OTOGL: variants seen among roughly 807,000 people sequenced by gnomAD.
OTOGL encodes otogelin-like protein.
A neutral mutation model predicts 318.5 loss-of-function variants in OTOGL; 285 were observed. The ratio of observed to expected loss-of-function variants is 0.89; its 90% CI spans 0.81 to 0.99. The LOEUF (loss-of-function observed/expected upper bound fraction) is 0.99. Ranked by LOEUF, OTOGL falls within the 50% of genes least tolerant of loss-of-function variation. The probability of loss-of-function intolerance (pLI) is 0.00; values close to 1 mark genes in which losing one functional copy is unlikely to be tolerated. For synonymous variants in OTOGL, 987 were observed against 936.5 expected, an observed-to-expected ratio of 1.05 and a Z score of -0.99; for missense variants, 2,899 against 2,845.6, an observed-to-expected ratio of 1.02 and a Z score of -0.43.
intron 29 of OTOGL, among the ~76,000 whole-genome samples, chr12:80,307,223 G>A (rs1272111175): frequency 2.1e-4 from 31 of 148,886 alleles, no homozygotes; most frequent in African/African-American, 7.4e-4. Flanking sequence ...ACACAGACAC[G>A]GCAACCATCC....
In OTOGL at chr12:80,222,199, T is replaced by C. The variant is rs1394079558; in HGVS notation, c.443T>C (p.Ile148Thr). 21 of 1,598,242 alleles carry C rather than the reference T, an allele frequency of 1.3e-5. No homozygotes were observed. The highest frequency in any genetic ancestry group is 1.7e-5 in the Non-Finnish European group (20 of 1,178,862). Residue 148 changes from isoleucine to threonine, a missense_variant, in exon 7 of 59, where the codon ATT becomes ACT. This residue lies in a region of OTOGL where 2,607 missense variants were observed against 2,524.9 expected (regional missense o/e 1.03). Transcript: ENST00000547103. ...YYYFPGNCSY[I>T]FAKDCGDLEP... ...TACTTCCCAGGAAACTGTTCTTACA[T>C]TTTTGCAAAGGACTGTGGTGATTTG...
chr12:80,303,008 T>G (rs1184100730), intron 28 of OTOGL, among the ~76,000 whole-genome samples: 1 of 152,222 alleles, frequency 6.6e-6, no homozygotes, highest in African/African-American at 2.4e-5. Context: ...CCAAGATTAC[T>G]TAAGCCAGCT....
At chr12:80,275,035 C>T (rs1202469035) in intron 24 of OTOGL, among the ~76,000 whole-genome samples, 3 of 151,926 alleles carry the variant, frequency 2.0e-5, no homozygotes, top group African/African-American at 7.2e-5. Flanking sequence ...TGTTTTCATG[C>T]TTGCTAACAC....
chr12:80,367,182 C>G (rs1890595421), intron 53 of OTOGL, among the ~76,000 whole-genome samples: 1 of 150,362 alleles, frequency 6.7e-6, no homozygotes, highest in African/African-American at 2.4e-5. Flanking sequence ...GCTATGTTTC[C>G]CAGGCTGGTC....
At chr12:80,141,377 A>T (rs116519170) in intron 1 of OTOGL, among the ~76,000 whole-genome samples, 1 of 152,270 alleles carries the variant, frequency 6.6e-6, no homozygotes, top group African/African-American at 2.4e-5. Flanking sequence ...AACCATCAAG[A>T]TATATCACCA....
chr12:80,349,304 C>T (rs1394737724), intron 44 of OTOGL, among the ~76,000 whole-genome samples: 1 of 152,050 alleles, frequency 6.6e-6, no homozygotes, highest in Non-Finnish European at 1.5e-5. Flanking sequence ...TATATTAGCT[C>T]ATTTAATTTT....
chr12:80,372,957 G>T lies in OTOGL; in HGVS notation c.6781+893G>T, dbSNP rs573783434. Among the ~76,000 whole-genome samples, 8 of 152,150 alleles carry T rather than the reference G, an allele frequency of 5.3e-5. No individual in the cohort carries two copies. In the East Asian group the frequency reaches 1.2e-3, roughly 22 times the overall value. The stretch of plus-strand genomic sequence containing the variant: ...CCACTTCGGCCTCCCAAAGTGCTGG[G>T]ATTACTATTTCATACTAATTTTGAA... On this transcript the variant is annotated intron_variant, in intron 57 of 58. Coordinates refer to ENST00000547103, the MANE Select transcript of OTOGL (RefSeq NM_001378609.3).
intron 1 of OTOGL, among the ~76,000 whole-genome samples, chr12:80,111,418 T>A (rs900871728): frequency 6.6e-6 from 1 of 152,234 alleles, no homozygotes; most frequent in African/African-American, 2.4e-5. Flanking sequence ...TTGAGTTGAT[T>A]TTTGTATAAG....
At chr12:80,328,804 C>T (rs181089474) in intron 36 of OTOGL, 60 bp downstream of exon 36, 80 of 1,442,114 alleles carry the variant, frequency 5.5e-5, no homozygotes, top group Admixed American at 4.2e-4. Context: ...ATGTTTTTTC[C>T]GAGGCAAGTG....
intron 34 of OTOGL, among the ~76,000 whole-genome samples, chr12:80,323,269 A>G (rs1311322052): frequency 6.6e-6 from 1 of 152,136 alleles, no homozygotes; most frequent in Non-Finnish European, 1.5e-5. Context: ...TCACCAAGCA[A>G]TTACAGTGTT....
intron 1 of OTOGL, among the ~76,000 whole-genome samples, chr12:80,148,084 G>A (rs1484289963): frequency 6.6e-6 from 1 of 151,654 alleles, no homozygotes; most frequent in Non-Finnish European, 1.5e-5. Context: ...GTGTGAATTT[G>A]ATCCTGTCAT....
At chr12:80,261,873 C>G in intron 18 of OTOGL, 96 bp from the exon 19 acceptor site, 1 of 1,373,386 alleles carries the variant, frequency 7.3e-7, no homozygotes, top group South Asian at 1.7e-5. Context: ...TTTCCTTGTA[C>G]ATTATGAAAA....
chr12:80,110,253 G>A (rs1394278249), intron 1 of OTOGL, among the ~76,000 whole-genome samples: 1 of 151,940 alleles, frequency 6.6e-6, no homozygotes, highest in Admixed American at 6.6e-5. Context: ...ATTTTTAGTC[G>A]AGATGGGGTT....
At chr12:80,127,526 G>C (rs1389202608) in intron 1 of OTOGL, among the ~76,000 whole-genome samples, 1 of 152,156 alleles carries the variant, frequency 6.6e-6, no homozygotes, top group Admixed American at 6.5e-5. Flanking sequence ...TCTTGGAGTT[G>C]CTCTTCTCGA....
intron 53 of OTOGL, among the ~76,000 whole-genome samples, chr12:80,367,138 A>C (rs1890589880): frequency 1.8e-5 from 1 of 56,460 alleles, no homozygotes; most frequent in Non-Finnish European, 3.4e-5. Context: ...CACCATACCC[A>C]GCTTTTTTTT....
At chr12:80,148,293 T>C (rs1280796714) in intron 1 of OTOGL, among the ~76,000 whole-genome samples, 1 of 146,818 alleles carries the variant, frequency 6.8e-6, no homozygotes, top group African/African-American at 2.5e-5. Flanking sequence ...TAAAGTATTT[T>C]ATTTCTCCTT....
chr12:80,297,331 CTTTT>C (rs5799464), intron 27 of OTOGL, among the ~76,000 whole-genome samples: 1 of 140,664 alleles, frequency 7.1e-6, no homozygotes. Context: ...TTGTATATGT[CTTTT>C]TTTTTTTTTT....
chr12:80,200,139 A>G (rs935718865), intron 1 of OTOGL, among the ~76,000 whole-genome samples: 1 of 152,260 alleles, frequency 6.6e-6, no homozygotes, highest in African/African-American at 2.4e-5. Flanking sequence ...ATAAAGATGC[A>G]TAAATCAAGA....
chr12:80,250,154 C>G (rs547667706), intron 11 of OTOGL, among the ~76,000 whole-genome samples: 1 of 152,104 alleles, frequency 6.6e-6, no homozygotes, highest in African/African-American at 2.4e-5. Context: ...AGCTGTAGAC[C>G]GGAGCTGTTC....
Sources: gnomAD v4.1 joint callset for allele counts (sites outside exome capture counted in the v4.1 genomes callset) on GRCh38, gnomAD v4.1.1 for gene constraint, gnomAD v4.1.1 regional missense constraint, MANE v1.5 for transcripts, NCBI Gene and HGNC (gene_info 2026-07-23, HGNC 2026-07-21) for gene names.